The following RORA variants were observed in gnomAD, a reference collection of about 807,000 sequenced individuals.
The protein encoded by RORA is nuclear receptor ROR-alpha.
A neutral mutation model predicts 69.5 loss-of-function variants in RORA; 7 were observed. The ratio of observed to expected loss-of-function variants is 0.10; its 90% confidence interval spans 0.06 to 0.19. RORA has a LOEUF of 0.19. Ranked by LOEUF, RORA falls within the 10% of genes least tolerant of loss-of-function variation. The pLI is 1.00. For synonymous variants in RORA, 261 were observed against 240.8 expected, an observed-to-expected ratio of 1.08 and a Z score of -0.78; for missense variants, 457 against 663.0, an observed-to-expected ratio of 0.69 and a Z score of 3.41.
chr15:60,938,272 G>A (rs1194545557), intron 1 of RORA, among the ~76,000 whole-genome samples: 1 of 152,144 alleles, frequency 6.6e-6, no homozygotes, highest in Non-Finnish European at 1.5e-5. Flanking sequence ...GTCTAAAACA[G>A]GTCTGTAGGA....
At chr15:60,611,799 C>T (rs1009834663) in intron 2 of RORA, among the ~76,000 whole-genome samples, 2 of 152,110 alleles carry the variant, frequency 1.3e-5, no homozygotes, top group South Asian at 2.1e-4. Context: ...TGATGTTGGT[C>T]CTCTGGTTTT....
At chr15:61,077,711 T>C (rs969947422) in intron 1 of RORA, among the ~76,000 whole-genome samples, 4 of 152,208 alleles carry the variant, frequency 2.6e-5, no homozygotes, top group Admixed American at 2.6e-4. Context: ...TATTTCTCTG[T>C]GCTGTTAGGT....
At chr15:60,961,423 G>T (rs1050605675) in intron 1 of RORA, among the ~76,000 whole-genome samples, 2 of 152,088 alleles carry the variant, frequency 1.3e-5, no homozygotes, top group African/African-American at 4.8e-5. Context: ...TTGAAGCCAA[G>T]ATTCACAAAG....
At chr15:61,109,261 T>C (rs1178724718) in intron 1 of RORA, among the ~76,000 whole-genome samples, 4 of 152,174 alleles carry the variant, frequency 2.6e-5, no homozygotes, top group Non-Finnish European at 5.9e-5. Context: ...TATTGTCATG[T>C]GAGCAAGATG....
At chr15:60,673,687 C>G (rs1056736449) in intron 2 of RORA, among the ~76,000 whole-genome samples, 1 of 152,188 alleles carries the variant, frequency 6.6e-6, no homozygotes, top group Non-Finnish European at 1.5e-5. Flanking sequence ...AACTGGTACA[C>G]CTGGCATTTG....
chr15:60,762,259 G>T (rs896157463), intron 1 of RORA, among the ~76,000 whole-genome samples: 3 of 152,142 alleles, frequency 2.0e-5, no homozygotes, highest in Non-Finnish European at 4.4e-5. Flanking sequence ...AAAACGAGGG[G>T]ATTCCAGGCA....
chr15:60,889,653 T>G (rs2073792919), intron 1 of RORA, among the ~76,000 whole-genome samples: 1 of 152,218 alleles, frequency 6.6e-6, no homozygotes. Flanking sequence ...CCAACGCCCC[T>G]GGAACTTAGA....
At chr15:60,513,024 A>G (rs1260164563) in intron 4 of RORA, among the ~76,000 whole-genome samples, 1 of 152,220 alleles carries the variant, frequency 6.6e-6, no homozygotes, top group Non-Finnish European at 1.5e-5. Context: ...GATCGTAGTT[A>G]TAAGAGTCTA....
intron 1 of RORA, among the ~76,000 whole-genome samples, chr15:60,811,305 C>T (rs1489336863): frequency 1.3e-5 from 2 of 152,228 alleles, no homozygotes; most frequent in African/African-American, 2.4e-5. Flanking sequence ...AGTTCTTAAA[C>T]CTGCATGGCA....
chr15:60,917,583 C>G (rs1405714654), intron 1 of RORA, among the ~76,000 whole-genome samples: 5 of 152,306 alleles, frequency 3.3e-5, no homozygotes, highest in African/African-American at 1.2e-4. Flanking sequence ...GCAGCTCTAT[C>G]TGGGAGAAAG....
intron 1 of RORA, among the ~76,000 whole-genome samples, chr15:60,913,759 G>T (rs1383771461): frequency 6.6e-6 from 1 of 152,206 alleles, no homozygotes; most frequent in Non-Finnish European, 1.5e-5. Flanking sequence ...ACTGTATAGG[G>T]TGTCAAAGTA....
rs767908522 is a variant in RORA at position 61,193,308 on chromosome 15, C to A, written c.166+35745G>T. Among the ~76,000 whole-genome samples, 3 of 152,204 alleles carry A rather than the reference C, an allele frequency of 2.0e-5. No individual in the cohort carries two copies. In the East Asian group the frequency reaches 5.8e-4, roughly 29 times the overall value. ...CACAAGAATAGGCACAAGACCCAGT[C>A]CTACCACTGGGTGTACTACATCCCA... On this transcript the variant is annotated intron_variant, in intron 1 of 10. Transcript: ENST00000335670.
chr15:60,912,832 G>A lies in RORA; in HGVS notation c.167-234146C>T, dbSNP rs187478846. 6.6e-5 allele frequency among the ~76,000 whole-genome samples: 10 copies of A among 152,260 alleles called. No homozygotes were observed. In the East Asian group the frequency reaches 1.2e-3, roughly 18 times the overall value. ...CACCTCTAGGTGCTAGAGAAACAGT[G>A]TTTGGGGAATCCATTAACAGGTGTG... On this transcript the variant is annotated intron_variant, in intron 1 of 10. Transcript: ENST00000335670.
intron 1 of RORA, among the ~76,000 whole-genome samples, chr15:61,169,765 A>T (rs1169173055): frequency 7.8e-6 from 1 of 127,572 alleles, no homozygotes; most frequent in Non-Finnish European, 1.9e-5. Flanking sequence ...TCTTCCTTAC[A>T]AACGGCCTCA....
intron 1 of RORA, among the ~76,000 whole-genome samples, chr15:61,083,943 C>A (rs1466427524): frequency 3.9e-5 from 6 of 152,152 alleles, no homozygotes; most frequent in Non-Finnish European, 1.5e-5. Context: ...GCCACTCATG[C>A]GCAGAAAGCT....
At chr15:60,906,072 G>C (rs1195614054) in intron 1 of RORA, among the ~76,000 whole-genome samples, 1 of 152,154 alleles carries the variant, frequency 6.6e-6, no homozygotes, top group African/African-American at 2.4e-5. Context: ...AACCAGTTGG[G>C]AAGATTTTTA....
At chr15:60,710,195 T>G (rs982360326) in intron 1 of RORA, among the ~76,000 whole-genome samples, 25 of 152,228 alleles carry the variant, frequency 1.6e-4, no homozygotes, top group African/African-American at 5.5e-4. Flanking sequence ...CTCCTTATGT[T>G]AAAAATTAGT....
At chr15:60,994,096 C>T (rs1001854623) in intron 1 of RORA, among the ~76,000 whole-genome samples, 5 of 152,138 alleles carry the variant, frequency 3.3e-5, no homozygotes, top group East Asian at 3.9e-4. Flanking sequence ...ATGTTTTGTC[C>T]AAGTTTGAAC....
At chr15:61,095,182 T>C (rs2078770950) in intron 1 of RORA, among the ~76,000 whole-genome samples, 1 of 152,122 alleles carries the variant, frequency 6.6e-6, no homozygotes, top group African/African-American at 2.4e-5. Flanking sequence ...TTTGGTGTTC[T>C]GGAGGCTGAG....
Sources: gnomAD v4.1 joint callset for allele counts (sites outside exome capture counted in the v4.1 genomes callset) on GRCh38, gnomAD v4.1.1 for gene constraint, MANE v1.5 for transcripts, NCBI Gene and HGNC (gene_info 2026-07-23, HGNC 2026-07-21) for gene names.